ZNF827: variants seen among roughly 807,000 people sequenced by gnomAD.
ZNF827 encodes zinc finger protein 827.
In ZNF827, 13 loss-of-function variants were observed where a neutral mutation model predicts 102.4. The ratio of observed to expected loss-of-function variants is 0.13; its 90% confidence interval spans 0.08 to 0.20. The LOEUF (loss-of-function observed/expected upper bound fraction) is 0.20, where lower values mean the gene tolerates loss of function less well. ZNF827 is among the 10% of genes least tolerant of loss of function. The probability of loss-of-function intolerance (pLI) is 1.00; values close to 1 mark genes in which losing one functional copy is unlikely to be tolerated. For synonymous variants in ZNF827, 523 were observed against 536.2 expected (o/e 0.98, Z 0.34); for missense variants, 1,103 against 1,344.4 (o/e 0.82, Z 2.81).
chr4:145,784,373 T>C (rs1448065715), intron 8 of ZNF827, among the ~76,000 whole-genome samples: 5 of 152,352 alleles, frequency 3.3e-5, no homozygotes, highest in African/African-American at 1.2e-4. Context: ...CTATTACTTA[T>C]AACACTCTTA....
At chr4:145,777,167 G>A (rs1737238287) in intron 9 of ZNF827, among the ~76,000 whole-genome samples, 2 of 152,194 alleles carry the variant, frequency 1.3e-5, no homozygotes, top group Non-Finnish European at 2.9e-5. Flanking sequence ...ACATCTTGAA[G>A]GGCTGGCATC....
intron 11 of ZNF827, among the ~76,000 whole-genome samples, chr4:145,768,631 A>G (rs1735687230): frequency 6.6e-6 from 1 of 151,402 alleles, no homozygotes; most frequent in South Asian, 2.1e-4. Context: ...CTGTTCTCCA[A>G]TTATCTTCAA....
At chr4:145,801,960 A>G (rs1172932592) in intron 8 of ZNF827, among the ~76,000 whole-genome samples, 2 of 152,180 alleles carry the variant, frequency 1.3e-5, no homozygotes, top group Non-Finnish European at 2.9e-5. Flanking sequence ...TGCTATTCAT[A>G]GGAAAAGATC....
At chr4:145,775,698 C>G (rs1736958456) in intron 10 of ZNF827, 91 bp downstream of exon 10, 1 of 1,470,340 alleles carries the variant, frequency 6.8e-7, no homozygotes, top group Non-Finnish European at 9.3e-7. Context: ...AGAAAAGGGG[C>G]CTCGTGATGT....
At chr4:145,873,800 T>A (rs1748916557) in intron 4 of ZNF827, among the ~76,000 whole-genome samples, 1 of 152,170 alleles carries the variant, frequency 6.6e-6, no homozygotes, top group African/African-American at 2.4e-5. Flanking sequence ...GCTTGCTCTC[T>A]CCCAACACCA....
chr4:145,902,918 C>A lies in ZNF827; in HGVS notation c.341G>T (p.Gly114Val). ...GVSSLCDDDP[G>V]SNKPLSSNLR... Reference sequence around the variant, plus strand: ...ATTGCTGCTCAGGGGCTTGTTGGAGCCTGGGTCATCGTCACACAAAGAAGA... The same window carrying A: ...ATTGCTGCTCAGGGGCTTGTTGGAGACTGGGTCATCGTCACACAAAGAAGA... Residue 114 changes from glycine (G) to valine (V), a missense_variant, in exon 2 of 15, where the codon GGC (glycine) becomes GTC (valine). Transcript: ENST00000508784. The surrounding 1 kb of genome is among the most constrained non-coding windows in gnomAD (Gnocchi z 4.3). 6.2e-7 allele frequency: 1 copy of A among 1,614,152 alleles called. No homozygotes were observed. Among genetic ancestry groups the A allele is most frequent in the Non-Finnish European group, 8.5e-7 (1 of 1,180,024 alleles).
intron 1 of ZNF827, among the ~76,000 whole-genome samples, chr4:145,931,579 A>T (rs761760116): frequency 1.3e-5 from 2 of 152,242 alleles, no homozygotes; most frequent in Non-Finnish European, 2.9e-5. Context: ...TCTGTAGGTC[A>T]TACTCTGATT....
intron 1 of ZNF827, among the ~76,000 whole-genome samples, chr4:145,920,141 C>T (rs1008912651): frequency 2.0e-5 from 3 of 152,284 alleles, no homozygotes; most frequent in Non-Finnish European, 4.4e-5. Flanking sequence ...TTCCCAGGCA[C>T]CTAGAAATCT....
chr4:145,836,204 G>A (rs1178072203), intron 7 of ZNF827, among the ~76,000 whole-genome samples: 6 of 151,496 alleles, frequency 4.0e-5, no homozygotes, highest in Admixed American at 1.3e-4. Context: ...AAAAACACAC[G>A]TGCTCTCCCT....
intron 8 of ZNF827, among the ~76,000 whole-genome samples, chr4:145,790,690 T>C (rs941876852): frequency 1.3e-5 from 2 of 152,228 alleles, no homozygotes; most frequent in African/African-American, 2.4e-5. Flanking sequence ...ATATCAATCA[T>C]TCCTTTAAAG....
intron 5 of ZNF827, among the ~76,000 whole-genome samples, chr4:145,851,390 G>A (rs1746519506): frequency 6.6e-6 from 1 of 152,144 alleles, no homozygotes; most frequent in African/African-American, 2.4e-5. Context: ...GGACAGTCAG[G>A]AGATGTCATC....
Position 145,810,375 on chromosome 4 carries a change from T to TC in ZNF827, c.2383+13046dup, listed in dbSNP as rs1447189216. ...AATTATTATATGAGTAAAGGCCAAT[T>TC]CTAAAAAAAAAAAGTGACTTGAACA... On this transcript the variant is annotated intron_variant, in intron 8 of 14. Coordinates refer to ENST00000508784, the MANE Select transcript of ZNF827 (RefSeq NM_001306215.2). Among the ~76,000 whole-genome samples the TC allele has an allele frequency of 2.9e-3, 435 of 151,656 alleles. 1 individual carries two copies. Among genetic ancestry groups the TC allele is most frequent in the African/African-American group, 9.8e-3 (406 of 41,262 alleles).
At chr4:145,807,857 A>T (rs1387749763) in intron 8 of ZNF827, among the ~76,000 whole-genome samples, 1 of 152,116 alleles carries the variant, frequency 6.6e-6, no homozygotes, top group Non-Finnish European at 1.5e-5. Flanking sequence ...GGCAAGTCTT[A>T]GTATGACACC....
chr4:145,844,712 A>T (rs1435840149), intron 7 of ZNF827, among the ~76,000 whole-genome samples: 1 of 148,706 alleles, frequency 6.7e-6, no homozygotes, highest in East Asian at 2.0e-4. Flanking sequence ...AAATAAATAA[A>T]TAAATAAATA....
At chr4:145,937,579 C>T (rs1221810210) in intron 1 of ZNF827, among the ~76,000 whole-genome samples, 1 of 146,746 alleles carries the variant, frequency 6.8e-6, no homozygotes, top group Non-Finnish European at 1.5e-5. Flanking sequence ...CGCCCCGGCG[C>T]GCCCCCTCGC....
Position 145,765,975 on chromosome 4 carries a change from A to G in ZNF827, c.2861-237T>C, listed in dbSNP as rs893559468. Among the ~76,000 whole-genome samples, 1 of 152,184 alleles carries G rather than the reference A, an allele frequency of 6.6e-6. No homozygotes were observed. The highest frequency in any genetic ancestry group is 2.4e-5 in the African/African-American group (1 of 41,464). On this transcript the variant is annotated intron_variant, in intron 11 of 14. Coordinates refer to ENST00000508784, the MANE Select transcript of ZNF827 (RefSeq NM_001306215.2). This position sits in a 1 kb window ranked among gnomAD's most constrained non-coding sequence, Gnocchi z 4.7. ...TGACAAGTGTTTATTAAGGTCTTAC[A>G]TGAATTAAAATAAAACGACAGTAAT...
chr4:145,775,837 G>A lies in ZNF827; in HGVS notation c.2645C>T (p.Ala882Val), dbSNP rs757022622. The A allele has an allele frequency of 6.2e-7, 1 of 1,614,152 alleles. No individual in the cohort carries two copies. The highest frequency in any genetic ancestry group is 1.7e-5 in the Admixed American group (1 of 60,022). The change falls in exon 10 of 15, where the codon GCC (alanine) becomes GTC (valine). Residue 882 changes from alanine to valine, a missense_variant. Physicochemically the swap from Ala to Val is moderately conservative, Grantham distance 64. Transcript: ENST00000508784. ...VSTDTEDIVS[A>V]VTSEGSDGKK... ...CCCATCACTGCCTTCAGAGGTGACG[G>A]CGCTGACAATGTCCTCGGTGTCTGT...
chr4:145,869,649 T>C (rs1323657910), intron 5 of ZNF827, among the ~76,000 whole-genome samples: 3 of 152,210 alleles, frequency 2.0e-5, no homozygotes, highest in African/African-American at 7.2e-5. Context: ...AATTATAAGC[T>C]ATTTTCCCTA....
At position 145,904,855 on chromosome 4, in the gene ZNF827, G is replaced by A. The variant is rs183035285; in HGVS notation, c.44-1640C>T. 7.0e-4 allele frequency among the ~76,000 whole-genome samples: 107 copies of A among 152,318 alleles called. 1 individual carries two copies. Among genetic ancestry groups the A allele is most frequent in the Admixed American group, 2.4e-3 (37 of 15,298 alleles). Reference sequence around the variant, plus strand: ...TACCACTGGAGGGTTTGTGGCAAGCGAGTGTTATGACATGACTTATGTTGT... The same window carrying A: ...TACCACTGGAGGGTTTGTGGCAAGCAAGTGTTATGACATGACTTATGTTGT... On this transcript the variant is annotated intron_variant, in intron 1 of 14. Transcript: ENST00000508784.
Sources: allele counts gnomAD v4.1 joint callset (sites outside exome capture counted in the v4.1 genomes callset), GRCh38; gene constraint gnomAD v4.1.1; non-coding constraint Gnocchi (gnomAD v3.1); transcripts MANE v1.5; gene names NCBI Gene and HGNC (gene_info 2026-07-23, HGNC 2026-07-21).